The following FBN2 variants were observed in gnomAD, a reference collection of about 807,000 sequenced individuals.
FBN2 encodes the protein fibrillin-2.
A neutral mutation model predicts 355.6 loss-of-function variants in FBN2; 105 were observed. The observed-to-expected ratio is 0.30, with a 90% confidence interval of 0.25 to 0.35. FBN2 has a LOEUF of 0.35. Among genes scored for constraint, FBN2 ranks in the 10% least tolerant of loss-of-function variants. The probability of loss-of-function intolerance (pLI) is 1.00; values close to 1 mark genes in which losing one functional copy is unlikely to be tolerated. For missense variants in FBN2, 3,280 were observed against 3,758.7 expected, an observed-to-expected ratio of 0.87 and a Z score of 3.33; for synonymous variants, 1,350 against 1,301.2, an observed-to-expected ratio of 1.04 and a Z score of -0.81.
At chr5:128,397,056 A>G (rs1752669674) in intron 8 of FBN2, among the ~76,000 whole-genome samples, 1 of 152,152 alleles carries the variant, frequency 6.6e-6, no homozygotes, top group African/African-American at 2.4e-5. Context: ...AGAATCGAAC[A>G]ACTCCTTCTA....
chr5:128,530,732 A>G, intron 2 of FBN2, 39 bp from the exon 3 acceptor site: 2 of 1,236,080 alleles, frequency 1.6e-6, no homozygotes, highest in South Asian at 1.2e-5. Flanking sequence ...GAATAACTAT[A>G]TAATAAACCA....
rs959321940 is a variant in FBN2 at position 128,303,907 on chromosome 5, A to T, written c.5801-818T>A. 5.2e-4 allele frequency among the ~76,000 whole-genome samples: 79 copies of T among 152,170 alleles called. 2 individuals are homozygous for T. Among genetic ancestry groups the T allele is most frequent in the Non-Finnish European group, 4.4e-5 (3 of 68,034 alleles). Reference sequence around the variant, plus strand: ...CATGTATAAACAAGCATTCTTAGGGAGTTCATGCAAATAAGACCAGATCCT... The same window carrying T: ...CATGTATAAACAAGCATTCTTAGGGTGTTCATGCAAATAAGACCAGATCCT... On this transcript the variant is annotated intron_variant, in intron 45 of 64. Transcript: ENST00000262464.
intron 34 of FBN2, among the ~76,000 whole-genome samples, chr5:128,319,850 A>C (rs973130602): frequency 1.3e-5 from 2 of 152,222 alleles, no homozygotes; most frequent in African/African-American, 4.8e-5. Context: ...TTCTACTCTC[A>C]AAAAGAGGAT....
chr5:128,534,910 G>T (rs1369009829), intron 2 of FBN2, among the ~76,000 whole-genome samples: 1 of 152,094 alleles, frequency 6.6e-6, no homozygotes, highest in Non-Finnish European at 1.5e-5. Flanking sequence ...CAGACTTTCC[G>T]CCGTGCCTAA....
chr5:128,472,904 T>C (rs1480885215), intron 5 of FBN2, among the ~76,000 whole-genome samples: 1 of 152,182 alleles, frequency 6.6e-6, no homozygotes, highest in East Asian at 1.9e-4. Flanking sequence ...TTTGAAATCA[T>C]ATTTAAATAA....
At chr5:128,503,197 T>A (rs1311857005) in intron 5 of FBN2, among the ~76,000 whole-genome samples, 1 of 152,204 alleles carries the variant, frequency 6.6e-6, no homozygotes, top group Non-Finnish European at 1.5e-5. Context: ...ATGACTTTGA[T>A]CCTCATTCAC....
chr5:128,409,933 G>A (rs936016466), intron 7 of FBN2, among the ~76,000 whole-genome samples: 1 of 151,964 alleles, frequency 6.6e-6, no homozygotes, highest in Non-Finnish European at 1.5e-5. Flanking sequence ...TCCTTTTATT[G>A]GTCTATTCAT....
intron 6 of FBN2, among the ~76,000 whole-genome samples, chr5:128,453,993 C>A (rs1011437108): frequency 1.3e-5 from 2 of 150,072 alleles, no homozygotes; most frequent in African/African-American, 2.4e-5. Context: ...ATGGCTTGCC[C>A]CCCCCCCAAG....
chr5:128,337,334 G>T (rs1225308699), intron 27 of FBN2, among the ~76,000 whole-genome samples: 1 of 152,118 alleles, frequency 6.6e-6, no homozygotes, highest in Non-Finnish European at 1.5e-5. Flanking sequence ...TTCTATTTTA[G>T]GCTGTCTTAT....
chr5:128,384,063 TA>T (rs1752306409), intron 11 of FBN2, among the ~76,000 whole-genome samples: 1 of 151,994 alleles, frequency 6.6e-6, no homozygotes, highest in Admixed American at 6.6e-5. Context: ...AATATATAAA[TA>T]AACTGTGCTA....
chr5:128,533,432 T>A lies in FBN2; in HGVS notation c.338-2739A>T, dbSNP rs1756760954. On this transcript the variant is annotated intron_variant, in intron 2 of 64. Coordinates refer to ENST00000262464, the MANE Select transcript of FBN2 (RefSeq NM_001999.4). ...GAGGCCCTTTTGCCCCACAACAGCC[T>A]CAGACTATGGTACACTTACTGAATA... Among the ~76,000 whole-genome samples the A allele has an allele frequency of 2.0e-5, 3 of 152,222 alleles. No homozygotes were observed. In the South Asian group the frequency reaches 6.2e-4, roughly 32 times the overall value.
At chr5:128,364,836 T>G (rs1236449547) in intron 17 of FBN2, 111 bp from the exon 18 acceptor site, 1 of 920,098 alleles carries the variant, frequency 1.1e-6, no homozygotes, top group East Asian at 2.6e-5. Flanking sequence ...CTCTGCAAAC[T>G]CACAATTTGC....
chr5:128,484,958 C>T (rs138327998), intron 5 of FBN2, among the ~76,000 whole-genome samples: 71 of 152,198 alleles, frequency 4.7e-4, no homozygotes, highest in Middle Eastern at 3.4e-3. Context: ...AAGATACATA[C>T]GCATATAACC....
intron 41 of FBN2, among the ~76,000 whole-genome samples, chr5:128,308,413 T>C (rs972311708): frequency 1.3e-5 from 2 of 152,200 alleles, no homozygotes; most frequent in African/African-American, 4.8e-5. Context: ...AAGGCCTATG[T>C]GTTGCTTTTC....
intron 15 of FBN2, 57 bp downstream of exon 15, chr5:128,374,571 G>A (rs1447632317): frequency 1.6e-5 from 26 of 1,607,122 alleles, no homozygotes; most frequent in Non-Finnish European, 2.2e-5. Context: ...AAATATCTCT[G>A]TCAGTTTTTC....
chr5:128,470,410 C>T (rs539447002), intron 5 of FBN2, among the ~76,000 whole-genome samples: 1 of 152,214 alleles, frequency 6.6e-6, no homozygotes, highest in Admixed American at 6.5e-5. Context: ...GAGAAGTTTC[C>T]TCAAGGTAAA....
intron 10 of FBN2, among the ~76,000 whole-genome samples, chr5:128,392,718 A>C (rs1752547607): frequency 6.6e-6 from 1 of 152,242 alleles, no homozygotes; most frequent in Admixed American, 6.5e-5. Context: ...TCAGTGGAGA[A>C]ATGGTTCTGG....
intron 23 of FBN2, among the ~76,000 whole-genome samples, chr5:128,347,435 G>T (rs1255844588): frequency 6.6e-6 from 1 of 152,132 alleles, no homozygotes; most frequent in East Asian, 1.9e-4. Context: ...GTCCTTGCAT[G>T]GAAATTAAAA....
At chr5:128,276,852 G>T (rs1765405760) in intron 58 of FBN2, among the ~76,000 whole-genome samples, 1 of 152,140 alleles carries the variant, frequency 6.6e-6, no homozygotes, top group Admixed American at 6.6e-5. Flanking sequence ...TACAGCCCCA[G>T]CACACAGCAC....
Sources: gnomAD v4.1 joint callset for allele counts (sites outside exome capture counted in the v4.1 genomes callset) on GRCh38, gnomAD v4.1.1 for gene constraint, MANE v1.5 for transcripts, NCBI Gene and HGNC (gene_info 2026-07-23, HGNC 2026-07-21) for gene names.